Variants in ZNG1E observed in about 807,000 individuals in gnomAD.
The protein encoded by ZNG1E is Zn regulated GTPase metalloprotein activator 1E.
the ZNG1E span, among the ~76,000 whole-genome samples, chr9:65,659,659 G>A: frequency 6.6e-6 from 1 of 152,114 alleles, no homozygotes; most frequent in African/African-American, 2.4e-5. Context: ...GAGTATGAAT[G>A]GGATAAGAAG....
the ZNG1E span, among the ~76,000 whole-genome samples, chr9:65,667,902 A>C: frequency 7.3e-6 from 1 of 137,578 alleles, no homozygotes; most frequent in Non-Finnish European, 1.6e-5. Context: ...AGGCTGAGGC[A>C]AGAGAATTGC....
the ZNG1E span, among the ~76,000 whole-genome samples, chr9:65,662,588 C>A: frequency 2.0e-5 from 3 of 151,894 alleles, no homozygotes; most frequent in African/African-American, 4.8e-5. Flanking sequence ...AGGAAGTTTT[C>A]TCTTTCAGCT....
At chr9:65,671,421 G>A in the ZNG1E span, among the ~76,000 whole-genome samples, 2 of 151,822 alleles carry the variant, frequency 1.3e-5, no homozygotes, top group African/African-American at 2.4e-5. Context: ...TCGGGTTCAA[G>A]CAATTCTTTT....
the ZNG1E span, among the ~76,000 whole-genome samples, chr9:65,661,063 A>G: frequency 0.1 from 10,427 of 103,046 alleles, 3 homozygotes; most frequent in Admixed American, 0.14. Flanking sequence ...TGCTAGATCT[A>G]AGGATTTTCT....
chr9:65,693,234 C>G, the ZNG1E span, among the ~76,000 whole-genome samples: 1 of 152,144 alleles, frequency 6.6e-6, no homozygotes, highest in Non-Finnish European at 1.5e-5. Flanking sequence ...TGGCTAAGAT[C>G]AAGTGTAAAA....
At chr9:65,684,550 G>GCGCA in the ZNG1E span, among the ~76,000 whole-genome samples, 3 of 132,770 alleles carry the variant, frequency 2.3e-5, no homozygotes, top group African/African-American at 6.1e-5. Context: ...ACACACGCAC[G>GCGCA]CACACACACA....
chr9:65,678,067 T>G, the ZNG1E span, among the ~76,000 whole-genome samples: 1 of 151,504 alleles, frequency 6.6e-6, no homozygotes, highest in Non-Finnish European at 1.5e-5. Context: ...ATTAGAAACC[T>G]TTGAATGAAT....
chr9:65,721,698 G>T, the ZNG1E span, among the ~76,000 whole-genome samples: 1 of 150,652 alleles, frequency 6.6e-6, no homozygotes, highest in African/African-American at 2.5e-5. Flanking sequence ...TTGGTGTAGT[G>T]TATTAAAGCA....
chr9:65,686,392 T>TGAGA, the ZNG1E span, among the ~76,000 whole-genome samples: 2 of 152,348 alleles, frequency 1.3e-5, no homozygotes, highest in Admixed American at 6.5e-5. Context: ...ATCTCAGCAC[T>TGAGA]TTGGGAGGCC....
chr9:65,714,491 G>GTT, the ZNG1E span, among the ~76,000 whole-genome samples: 1 of 151,374 alleles, frequency 6.6e-6, no homozygotes, highest in East Asian at 1.9e-4. Context: ...TTTCTGCTCT[G>GTT]TTTTTTCCCC....
the ZNG1E span, among the ~76,000 whole-genome samples, chr9:65,717,896 A>T: frequency 1.2e-4 from 18 of 146,066 alleles, 3 homozygotes; most frequent in African/African-American, 4.8e-4. Context: ...CATGTTGCTG[A>T]AGCTGATCTT....
the ZNG1E span, among the ~76,000 whole-genome samples, chr9:65,687,809 A>G: frequency 1.4e-5 from 2 of 147,146 alleles, no homozygotes; most frequent in African/African-American, 4.9e-5. Flanking sequence ...TTTTTTTTTA[A>G]TCTAAAATGC....
At chr9:65,692,216 T>C in the ZNG1E span, among the ~76,000 whole-genome samples, 240 of 43,658 alleles carry the variant, frequency 5.5e-3, 92 homozygotes, top group African/African-American at 0.017. Context: ...ATAACCTGTC[T>C]TATGTACTTA....
chr9:65,728,935 G>A, the ZNG1E span, among the ~76,000 whole-genome samples: 58 of 147,234 alleles, frequency 3.9e-4, no homozygotes, highest in Admixed American at 7.4e-4. Flanking sequence ...CAATATCCTT[G>A]AACATAGATG....
the ZNG1E span, among the ~76,000 whole-genome samples, chr9:65,678,416 A>G: frequency 4.6e-4 from 64 of 140,462 alleles, no homozygotes; most frequent in East Asian, 4.2e-3. Context: ...AAATCTTCCT[A>G]GTTGTAGGAA....
chr9:65,673,806 A>C, the ZNG1E span, among the ~76,000 whole-genome samples: 1 of 152,294 alleles, frequency 6.6e-6, no homozygotes, highest in Admixed American at 6.5e-5. Context: ...CCCTGTCTCA[A>C]AAAACAGAAA....
chr9:65,728,977 A>G, the ZNG1E span, among the ~76,000 whole-genome samples: 1 of 150,232 alleles, frequency 6.7e-6, no homozygotes, highest in Non-Finnish European at 1.5e-5. Flanking sequence ...TAGCTAACTG[A>G]TTCCAACAAC....
At chr9:65,664,042 A>C in the ZNG1E span, among the ~76,000 whole-genome samples, 3 of 152,232 alleles carry the variant, frequency 2.0e-5, no homozygotes, top group Non-Finnish European at 4.4e-5. Flanking sequence ...GTTTTTGTTA[A>C]TTTTTACTGA....
At chr9:65,683,802 T>G in the ZNG1E span, among the ~76,000 whole-genome samples, 2 of 152,278 alleles carry the variant, frequency 1.3e-5, no homozygotes, top group Non-Finnish European at 2.9e-5. Context: ...TAGGCTATTT[T>G]GGTCCTTATA....
Sources: gnomAD v4.1 joint callset for allele counts (sites outside exome capture counted in the v4.1 genomes callset) on GRCh38, gnomAD v4.1.1 for gene constraint, MANE v1.5 for transcripts, NCBI Gene and HGNC (gene_info 2026-07-23, HGNC 2026-07-21) for gene names.